Variants in USP53 observed in about 807,000 individuals in gnomAD.
USP53 encodes ubiquitin specific peptidase 53.
In USP53, 71 loss-of-function variants were observed where a neutral mutation model predicts 94.9. The ratio of observed to expected loss-of-function variants is 0.75; its 90% CI spans 0.62 to 0.91. The LOEUF is 0.91. Among genes scored for constraint, USP53 ranks in the 40% least tolerant of loss-of-function variants. The pLI is 0.00. For synonymous variants in USP53, 375 were observed against 422.7 expected, an observed-to-expected ratio of 0.89 and a Z score of 1.39; for missense variants, 1,173 against 1,281.0, an observed-to-expected ratio of 0.92 and a Z score of 1.29.
chr4:119,240,457 T>G (rs1747370302), intron 5 of USP53, among the ~76,000 whole-genome samples: 1 of 152,170 alleles, frequency 6.6e-6, no homozygotes, highest in African/African-American at 2.4e-5. Flanking sequence ...CTTTTCTGCC[T>G]TAGATAACTA....
At chr4:119,243,427 G>A (rs1747810240) in intron 5 of USP53, among the ~76,000 whole-genome samples, 1 of 152,170 alleles carries the variant, frequency 6.6e-6, no homozygotes, top group South Asian at 2.1e-4. Flanking sequence ...GAACCCAGGA[G>A]GTGGAGGTTG....
intron 12 of USP53, among the ~76,000 whole-genome samples, chr4:119,262,179 A>G (rs555476013): frequency 3.3e-5 from 5 of 152,316 alleles, no homozygotes; most frequent in South Asian, 4.1e-4. Context: ...CATACTTGCT[A>G]TATTTACTTT....
rs1295073429 is a variant in USP53 at position 119,293,523 on chromosome 4, G to A, written c.*312G>A. The A allele has an allele frequency of 2.4e-5, 5 of 206,094 alleles. No homozygotes were observed. The highest frequency in any genetic ancestry group is 1.6e-4 in the South Asian group (1 of 6,136). 12.8% of individuals were successfully genotyped at this position (206,094 alleles called of 1,614,324 possible). On this transcript the variant is annotated 3_prime_UTR_variant, in exon 19 of 19. Coordinates refer to ENST00000692078, the MANE Select transcript of USP53 (RefSeq NM_001371395.1). ...TCCCTTTGAATAGTCTTGGCGTGCCGTGAAAAATAGAAAATCAGGGAGATA... is the reference window on the plus strand; with the variant it reads ...TCCCTTTGAATAGTCTTGGCGTGCCATGAAAAATAGAAAATCAGGGAGATA...
rs377587557 is a variant in USP53 at position 119,248,797 on chromosome 4, A to G, written c.287A>G (p.Asp96Gly). Residue 96 changes from aspartate (D) to glycine (G), a missense_variant, in exon 7 of 19, where the codon GAT becomes GGT. Physicochemically the swap from Asp to Gly is moderately conservative, Grantham distance 94. Coordinates refer to ENST00000692078, the MANE Select transcript of USP53 (RefSeq NM_001371395.1). ...AGTCGAGAAAAAGCACTTCCCTCAG[A>G]TAACATAAGGCATGCTCTTGCAGAA... ...QHSREKALPS[D>G]NIRHALAESF... 1.2e-6 allele frequency: 2 copies of G among 1,613,988 alleles called. No individual in the cohort carries two copies. Among genetic ancestry groups the G allele is most frequent in the Non-Finnish European group, 1.7e-6 (2 of 1,180,030 alleles).
At chr4:119,228,288 T>C (rs979308064) in intron 3 of USP53, among the ~76,000 whole-genome samples, 19 of 152,180 alleles carry the variant, frequency 1.2e-4, no homozygotes, top group Non-Finnish European at 2.4e-4. Context: ...CTTTGTTAGC[T>C]GTCAACCAGG....
Position 119,269,819 on chromosome 4 carries a change from G to GAAA in USP53, c.1418_1419insAAA (p.Asp473delinsGluAsn), listed in dbSNP as rs1304447243. The stretch of plus-strand genomic sequence containing the variant: ...AGATTTAGAGAAGGGACAAAGAAAA[G>GAAA]ATTTAGGACGACATAGAGGTAAGTT... On this transcript the variant is annotated protein_altering_variant, in exon 15 of 19. Coordinates refer to ENST00000692078, the MANE Select transcript of USP53 (RefSeq NM_001371395.1). 6.7e-7 allele frequency: 1 copy of GAAA among 1,489,024 alleles called. No homozygotes were observed. Among genetic ancestry groups the GAAA allele is most frequent in the African/African-American group, 1.4e-5 (1 of 69,912 alleles). 92.2% of individuals were successfully genotyped at this position (1,489,024 alleles called of 1,614,324 possible). A position where few individuals can be genotyped will look rare whatever the true frequency, so the allele number is the denominator to read the frequency against.
intron 12 of USP53, chr4:119,266,232 A>C: frequency 2.2e-6 from 1 of 455,164 alleles, no homozygotes; most frequent in Non-Finnish European, 4.4e-6. Context: ...ATGGCTGTAC[A>C]ACAATTTATC....
chr4:119,275,343 G>A (rs1752475867), intron 17 of USP53, among the ~76,000 whole-genome samples: 1 of 121,290 alleles, frequency 8.2e-6, no homozygotes, highest in Non-Finnish European at 1.9e-5. Context: ...AGCACCATTT[G>A]TTAAATAGGG....
intron 17 of USP53, among the ~76,000 whole-genome samples, chr4:119,286,918 T>G (rs538244698): frequency 6.6e-6 from 1 of 152,134 alleles, no homozygotes; most frequent in African/African-American, 2.4e-5. Context: ...AGTGATTTTC[T>G]TAAACATGAA....
intron 3 of USP53, among the ~76,000 whole-genome samples, chr4:119,233,114 G>A (rs890347112): frequency 2.4e-4 from 36 of 149,434 alleles, no homozygotes; most frequent in African/African-American, 8.8e-4. Flanking sequence ...TCTTACCATT[G>A]CTTATGTGTT....
chr4:119,283,369 C>T (rs554171382), intron 17 of USP53, among the ~76,000 whole-genome samples: 2 of 151,832 alleles, frequency 1.3e-5, no homozygotes, highest in African/African-American at 2.4e-5. Flanking sequence ...GGGATAGAAG[C>T]GAAATTATGC....
intron 7 of USP53, among the ~76,000 whole-genome samples, chr4:119,255,573 T>C (rs1239695742): frequency 6.6e-6 from 1 of 152,214 alleles, no homozygotes; most frequent in Admixed American, 6.5e-5. Context: ...GGAGGGGAAC[T>C]CCTGGTCTGC....
intron 7 of USP53, 45 bp from the exon 8 acceptor site, chr4:119,256,201 C>T: frequency 7.0e-7 from 1 of 1,436,602 alleles, no homozygotes; most frequent in South Asian, 1.2e-5. Context: ...TGCTGTGTTC[C>T]CTGCAAGATC....
intron 3 of USP53, among the ~76,000 whole-genome samples, chr4:119,225,332 G>C (rs1209151102): frequency 6.6e-6 from 1 of 152,210 alleles, no homozygotes; most frequent in Non-Finnish European, 1.5e-5. Flanking sequence ...TCTAGGCCCA[G>C]ATAGTGCTAC....
At chr4:119,273,906 TTC>T (rs1752201989) in intron 17 of USP53, among the ~76,000 whole-genome samples, 198 bp downstream of exon 17, 1 of 151,946 alleles carries the variant, frequency 6.6e-6, no homozygotes, top group Non-Finnish European at 1.5e-5. Context: ...GAAATCAGCA[TTC>T]TTTTTTGTAT....
chr4:119,244,035 G>C (rs979204522), intron 5 of USP53, among the ~76,000 whole-genome samples: 3 of 152,082 alleles, frequency 2.0e-5, no homozygotes, highest in African/African-American at 7.2e-5. Context: ...TCCAGGATTT[G>C]GTAAATAGTA....
intron 5 of USP53, 129 bp downstream of exon 5, chr4:119,240,032 A>T (rs1201970538): frequency 9.8e-7 from 1 of 1,015,514 alleles, no homozygotes; most frequent in Non-Finnish European, 1.3e-6. Context: ...TATAACTTTA[A>T]ATGGGAGCAA....
intron 17 of USP53, 107 bp downstream of exon 17, chr4:119,273,815 A>G (rs988724756): frequency 3.0e-5 from 25 of 842,796 alleles, no homozygotes; most frequent in South Asian, 2.5e-4. Context: ...TATAAAAATT[A>G]TTTTTAAATA....
chr4:119,294,727 A>G lies in USP53; in HGVS notation c.*1516A>G, dbSNP rs1459808531. Reference sequence around the variant, plus strand: ...TAAACAGAAAATAATTGCTTATAAAAGTCTAACTTCACCCAGTTACCAAGT... The same window carrying G: ...TAAACAGAAAATAATTGCTTATAAAGGTCTAACTTCACCCAGTTACCAAGT... On this transcript the variant is annotated 3_prime_UTR_variant, in exon 19 of 19. Coordinates refer to ENST00000692078, the MANE Select transcript of USP53 (RefSeq NM_001371395.1). The G allele has an allele frequency of 6.6e-6, 1 of 152,168 alleles. No individual in the cohort carries two copies. The highest frequency in any genetic ancestry group is 1.5e-5 in the Non-Finnish European group (1 of 67,982). The allele number at this position is 152,168 out of a possible 1,614,324, so 9.4% of individuals were successfully genotyped here. A position where few individuals can be genotyped will look rare whatever the true frequency, so the allele number is the denominator to read the frequency against.
Sources: allele counts gnomAD v4.1 joint callset (sites outside exome capture counted in the v4.1 genomes callset), GRCh38; gene constraint gnomAD v4.1.1; transcripts MANE v1.5; gene names NCBI Gene and HGNC (gene_info 2026-07-23, HGNC 2026-07-21).